Variants in PCDH11Y observed in about 807,000 individuals in gnomAD.
The protein encoded by PCDH11Y is protocadherin 11 Y-linked.
For missense variants in PCDH11Y, 12 were observed against 224.8 expected, an observed-to-expected ratio of 0.05 and a Z score of 6.05; for synonymous variants, 9 against 83.6, an observed-to-expected ratio of 0.11 and a Z score of 4.87.
intron 2 of PCDH11Y, among the ~76,000 whole-genome samples, chrY:5,470,696 A>G (rs2053313465): frequency 1.3e-3 from 38 of 28,255 alleles, no homozygotes; most frequent in African/African-American, 5.2e-3. Flanking sequence ...GAGGATAAAC[A>G]TGCATTATTT....
At chrY:5,498,663 T>A in intron 2 of PCDH11Y, among the ~76,000 whole-genome samples, 1 of 33,738 alleles carries the variant, frequency 3.0e-5, no homozygotes, top group African/African-American at 1.2e-4. Flanking sequence ...TATTTTCCTC[T>A]TTTCACTGTG....
intron 2 of PCDH11Y, among the ~76,000 whole-genome samples, chrY:5,427,358 G>C (rs2053264531): frequency 3.0e-5 from 1 of 33,119 alleles, no homozygotes; most frequent in Non-Finnish European, 7.5e-5. Flanking sequence ...GTAAAAAGCA[G>C]GGATAAAGAT....
At chrY:5,397,861 A>T (rs2124676696) in intron 2 of PCDH11Y, among the ~76,000 whole-genome samples, 1 of 32,152 alleles carries the variant, frequency 3.1e-5, no homozygotes, top group African/African-American at 1.2e-4. Context: ...TAGTTAACAA[A>T]TTTTTTTTTG....
intron 2 of PCDH11Y, among the ~76,000 whole-genome samples, chrY:5,186,121 G>C: frequency 3.0e-5 from 1 of 33,295 alleles, no homozygotes; most frequent in Non-Finnish European, 7.4e-5. Context: ...AATGAGGCAA[G>C]AGAAAGAAAT....
chrY:5,346,434 T>C, intron 2 of PCDH11Y, among the ~76,000 whole-genome samples: 1 of 32,764 alleles, frequency 3.1e-5, no homozygotes, highest in African/African-American at 1.2e-4. Flanking sequence ...TTCACCATGT[T>C]GAGCGACAGA....
intron 4 of PCDH11Y, among the ~76,000 whole-genome samples, chrY:5,673,036 G>A: frequency 3.1e-5 from 1 of 32,003 alleles, no homozygotes; most frequent in African/African-American, 1.2e-4. Flanking sequence ...TGGAGTTCTA[G>A]ATAAACTTTC....
At chrY:5,008,943 A>G (rs9786041) in intron 1 of PCDH11Y, among the ~76,000 whole-genome samples, 2,358 of 33,064 alleles carry the variant, frequency 0.071, no homozygotes, top group African/African-American at 0.27. Context: ...AGTATAGTGC[A>G]GGTTTTATAG....
chrY:5,733,260 G>C, intron 4 of PCDH11Y, among the ~76,000 whole-genome samples: 1 of 33,805 alleles, frequency 3.0e-5, no homozygotes, highest in Non-Finnish European at 7.3e-5. Flanking sequence ...CTTCTCATCT[G>C]AGAATGTTGG....
At chrY:5,570,633 A>G (rs1204223519) in intron 3 of PCDH11Y, among the ~76,000 whole-genome samples, 1,259 of 32,540 alleles carry the variant, frequency 0.039, no homozygotes, top group Middle Eastern at 0.27. Flanking sequence ...TAATACATTT[A>G]TTTTTCATTT....
At chrY:5,393,371 C>G in intron 2 of PCDH11Y, among the ~76,000 whole-genome samples, 3 of 23,455 alleles carry the variant, frequency 1.3e-4, no homozygotes, top group Admixed American at 9.4e-4. Flanking sequence ...GCCACCACAC[C>G]CAGCTGACAA....
At chrY:5,080,373 C>T (rs2124631953) in intron 1 of PCDH11Y, among the ~76,000 whole-genome samples, 1 of 30,696 alleles carries the variant, frequency 3.3e-5, no homozygotes, top group East Asian at 8.8e-4. Context: ...ACAGCAGCAC[C>T]CCACTCTACC....
chrY:5,573,291 C>T, intron 3 of PCDH11Y: 7 of 351,524 alleles, frequency 2.0e-5, no homozygotes, highest in East Asian at 1.9e-4. Context: ...TCTCCGTGTC[C>T]GCTCCACCAG....
At chrY:5,193,555 A>G in intron 2 of PCDH11Y, among the ~76,000 whole-genome samples, 1 of 33,714 alleles carries the variant, frequency 3.0e-5, no homozygotes, top group Non-Finnish European at 7.3e-5. Context: ...GTAGACATCA[A>G]TGCAGCTTAG....
intron 3 of PCDH11Y, among the ~76,000 whole-genome samples, chrY:5,565,949 T>C: frequency 4.1e-5 from 1 of 24,652 alleles, no homozygotes; most frequent in African/African-American, 1.6e-4. Flanking sequence ...TGTGTATATA[T>C]ATATATATAT....
chrY:5,107,804 A>T (rs2052793204), downstream of PCDH11Y, among the ~76,000 whole-genome samples: 19 of 33,566 alleles, frequency 5.7e-4, no homozygotes, highest in Non-Finnish European at 3.0e-4. Context: ...TCACGCCTGT[A>T]ATCCCAGCAC....
chrY:5,122,883 A>G (rs2052820201), intron 2 of PCDH11Y, among the ~76,000 whole-genome samples: 1 of 31,932 alleles, frequency 3.1e-5, no homozygotes, highest in African/African-American at 1.2e-4. Flanking sequence ...CATGAACTAC[A>G]TTTATACCAA....
At chrY:5,387,356 G>T in intron 2 of PCDH11Y, among the ~76,000 whole-genome samples, 1 of 33,365 alleles carries the variant, frequency 3.0e-5, no homozygotes, top group Non-Finnish European at 7.4e-5. Context: ...GTCCCATGGG[G>T]TGTTCCCTTG....
intron 2 of PCDH11Y, among the ~76,000 whole-genome samples, chrY:5,487,704 A>G: frequency 3.0e-5 from 1 of 33,293 alleles, no homozygotes; most frequent in Non-Finnish European, 7.4e-5. Flanking sequence ...GTATCACAAC[A>G]TATTTTGCTG....
intron 4 of PCDH11Y, among the ~76,000 whole-genome samples, chrY:5,604,726 T>C: frequency 6.1e-5 from 2 of 32,676 alleles, no homozygotes; most frequent in Admixed American, 2.9e-4. Context: ...ATTTTTTAAA[T>C]AGTAAGAGCG....
Sources: gnomAD v4.1 joint callset for allele counts (sites outside exome capture counted in the v4.1 genomes callset) on GRCh38, gnomAD v4.1.1 for gene constraint, MANE v1.5 for transcripts, NCBI Gene and HGNC (gene_info 2026-07-23, HGNC 2026-07-21) for gene names.